Variants in TOGARAM2 observed in about 807,000 individuals in gnomAD.
TOGARAM2 encodes TOG array regulator of axonemal microtubules 2.
In TOGARAM2, 85 loss-of-function variants were observed where a neutral mutation model predicts 93.3. The ratio of observed to expected loss-of-function variants is 0.91; its 90% CI spans 0.76 to 1.09. The LOEUF (loss-of-function observed/expected upper bound fraction) is 1.09, where lower values mean the gene tolerates loss of function less well. TOGARAM2 is among the 50% of genes least tolerant of loss of function. The probability of loss-of-function intolerance (pLI) is 0.00; values close to 1 mark genes in which losing one functional copy is unlikely to be tolerated. For missense variants in TOGARAM2, 1,277 were observed against 1,334.5 expected (o/e 0.96, Z 0.67); for synonymous variants, 593 against 552.8 (o/e 1.07, Z -1.02).
chr2:29,019,527 A>G (rs1245593192), intron 10 of TOGARAM2, among the ~76,000 whole-genome samples: 2 of 152,164 alleles, frequency 1.3e-5, no homozygotes, highest in East Asian at 1.9e-4. Context: ...GCCACCCAAG[A>G]TCACTCAAGG....
At position 29,051,866 on chromosome 2, in the gene TOGARAM2, C is replaced by A; in HGVS notation, c.2833C>A (p.Pro945Thr). Residue 945 changes from proline (P) to threonine (T), a missense_variant, in exon 20 of 20, where the codon CCC becomes ACC. Pro to Thr is a conservative substitution (Grantham distance 38). Coordinates refer to ENST00000379558, the MANE Select transcript of TOGARAM2 (RefSeq NM_199280.4). ...TATRNGTLPG[P>T]SGNIRGVVCR... Reference sequence around the variant, plus strand: ...CACCAGGAATGGCACCCTGCCTGGACCCAGCGGGAACATCCGCGGGGTGGT... The same window carrying A: ...CACCAGGAATGGCACCCTGCCTGGAACCAGCGGGAACATCCGCGGGGTGGT... 1 of 1,571,444 alleles carries A rather than the reference C, an allele frequency of 6.4e-7. No individual in the cohort carries two copies. Among genetic ancestry groups the A allele is most frequent in the Non-Finnish European group, 8.6e-7 (1 of 1,158,448 alleles).
At chr2:28,981,823 C>A (rs1672208324) in intron 1 of TOGARAM2, among the ~76,000 whole-genome samples, 1 of 152,216 alleles carries the variant, frequency 6.6e-6, no homozygotes, top group South Asian at 2.1e-4. Flanking sequence ...GGGCTGACCC[C>A]TTCCCCGAGT....
intron 1 of TOGARAM2, among the ~76,000 whole-genome samples, chr2:28,957,837 G>GT (rs1175774322): frequency 6.6e-6 from 1 of 151,854 alleles, no homozygotes. Context: ...TTTTGTTTTT[G>GT]TTTTTTTGCC....
chr2:29,009,037 A>G (rs748018298), intron 6 of TOGARAM2, among the ~76,000 whole-genome samples: 3 of 152,188 alleles, frequency 2.0e-5, no homozygotes, highest in Non-Finnish European at 2.9e-5. Context: ...AGCACCTACT[A>G]TGTGCCAGGT....
upstream of TOGARAM2, among the ~76,000 whole-genome samples, chr2:28,980,151 C>T (rs541916550): frequency 1.3e-5 from 2 of 152,334 alleles, no homozygotes; most frequent in South Asian, 4.1e-4. Flanking sequence ...TTCCGTTCGC[C>T]TTGTCAGCTG....
intron 18 of TOGARAM2, among the ~76,000 whole-genome samples, chr2:29,043,630 G>A (rs565224956): frequency 8.5e-5 from 13 of 152,320 alleles, no homozygotes; most frequent in African/African-American, 2.9e-4. Context: ...AAGACACAAA[G>A]CCACATCTCT....
chr2:29,009,663 G>A (rs1244234717), intron 6 of TOGARAM2, among the ~76,000 whole-genome samples: 2 of 152,160 alleles, frequency 1.3e-5, no homozygotes, highest in African/African-American at 4.8e-5. Flanking sequence ...TGGAGACAGG[G>A]CATAGGAGAA....
chr2:29,008,469 T>A (rs115520894), intron 6 of TOGARAM2, among the ~76,000 whole-genome samples: 11,371 of 150,342 alleles, frequency 0.076, 499 homozygotes, highest in African/African-American at 0.12. Flanking sequence ...ATATATATAT[T>A]TTTTTGAGAT....
chr2:28,971,157 C>T (rs1267444187), intron 1 of TOGARAM2: 1 of 152,132 alleles, frequency 6.6e-6, no homozygotes, highest in African/African-American at 2.4e-5. Context: ...CAATCACATT[C>T]CAGAGGGGGG....
At chr2:29,040,179 C>T (rs1186965785) in intron 18 of TOGARAM2, among the ~76,000 whole-genome samples, 1 of 152,158 alleles carries the variant, frequency 6.6e-6, no homozygotes, top group Non-Finnish European at 1.5e-5. Flanking sequence ...ATACAAATTT[C>T]CCTTGTTAAA....
Position 28,976,043 on chromosome 2 carries a change from T to C in TOGARAM2, c.-146-18682T>C, listed in dbSNP as rs373441424. On this transcript the variant is annotated intron_variant, in intron 1 of 6. Coordinates refer to the TOGARAM2 transcript ENST00000401723. ...TGGAAGTTTAGGAGCATTTTACACA[T>C]TTTCCTATTTCTTTGCATGTTCTTA... Among the ~76,000 whole-genome samples the C allele has an allele frequency of 7.2e-5, 11 of 152,328 alleles. No homozygotes were observed. In the South Asian group the frequency reaches 2.3e-3, roughly 32 times the overall value.
At chr2:29,025,778 C>G (rs1453953553) in intron 13 of TOGARAM2, among the ~76,000 whole-genome samples, 1 of 152,210 alleles carries the variant, frequency 6.6e-6, no homozygotes, top group Non-Finnish European at 1.5e-5. Flanking sequence ...TTATAGAGCT[C>G]AGGTTCCACT....
At chr2:28,995,300 G>A (rs1359460213) in intron 2 of TOGARAM2, among the ~76,000 whole-genome samples, 1 of 152,352 alleles carries the variant, frequency 6.6e-6, no homozygotes, top group Non-Finnish European at 1.5e-5. Flanking sequence ...TTGAGGCCTG[G>A]CTCTGCTTTT....
In TOGARAM2 at chr2:29,008,757, A is replaced by T. The variant is rs113428380; in HGVS notation, c.831-2698A>T. ...CAGGTAGAAGCCACCGCACCTGGCC[A>T]GCCTATTTTATTTAAACCTCATTCT... is the stretch of plus-strand genomic sequence containing the variant. On this transcript the variant is annotated intron_variant, in intron 6 of 19. Coordinates refer to ENST00000379558, the MANE Select transcript of TOGARAM2 (RefSeq NM_199280.4). Among the ~76,000 whole-genome samples, 798 of 152,340 alleles carry T rather than the reference A, an allele frequency of 5.2e-3. 9 individuals are homozygous for T. The highest frequency in any genetic ancestry group is 0.018 in the African/African-American group (746 of 41,586).
chr2:29,039,274 C>G (rs1376193818), intron 18 of TOGARAM2, among the ~76,000 whole-genome samples: 1 of 152,168 alleles, frequency 6.6e-6, no homozygotes, highest in African/African-American at 2.4e-5. Context: ...TCTTCATGCT[C>G]CATAAGAAAT....
At position 28,956,945 on chromosome 2, in the gene TOGARAM2, C is replaced by T. The variant is rs1249345582; in HGVS notation, c.-147+248C>T. 1.3e-5 allele frequency among the ~76,000 whole-genome samples: 2 copies of T among 151,898 alleles called. No individual in the cohort carries two copies. The highest frequency in any genetic ancestry group is 4.8e-5 in the African/African-American group (2 of 41,392). ...TTCGAGACTAGCCTAGCCAACATGG[C>T]GAACCCCTGTCTCTACTAAAAGTAC... On this transcript the variant is annotated intron_variant, in intron 1 of 6. Transcript: ENST00000401723. The surrounding 1 kb of genome is among the most constrained non-coding windows in gnomAD (Gnocchi z 4.5).
At chr2:29,042,769 CA>C (rs1222055896) in intron 18 of TOGARAM2, among the ~76,000 whole-genome samples, 1 of 152,186 alleles carries the variant, frequency 6.6e-6, no homozygotes. Context: ...TTCTCTCTTA[CA>C]GGGGGCAGTA....
rs569609328 is a variant in TOGARAM2 at position 29,028,623 on chromosome 2, T to TA, written c.2012+1622dup. 7.3e-4 allele frequency among the ~76,000 whole-genome samples: 107 copies of TA among 147,220 alleles called. 1 individual carries two copies. The highest frequency in any genetic ancestry group is 1.9e-3 in the African/African-American group (78 of 40,238). ...TTACATGCGTGTTAGCCTTTATAAT[T>TA]AAAAAAAAAAGCCTCTCTGGCTGCC... On this transcript the variant is annotated intron_variant, in intron 14 of 19. Transcript: ENST00000379558.
intron 8 of TOGARAM2, among the ~76,000 whole-genome samples, chr2:29,016,747 C>T (rs927505481): frequency 2.0e-5 from 3 of 152,150 alleles, no homozygotes; most frequent in African/African-American, 4.8e-5. Flanking sequence ...GTGTCCACCC[C>T]CTGACTGTCC....
Sources: gnomAD v4.1 joint callset for allele counts (sites outside exome capture counted in the v4.1 genomes callset) on GRCh38, gnomAD v4.1.1 for gene constraint, Gnocchi (gnomAD v3.1) non-coding constraint, MANE v1.5 for transcripts, NCBI Gene and HGNC (gene_info 2026-07-23, HGNC 2026-07-21) for gene names.